Variants in WIPF1 observed in about 807,000 individuals in gnomAD.
The protein encoded by WIPF1 is WAS/WASL interacting protein family member 1.
WIPF1 carries 13 observed loss-of-function variants against 35.4 expected under a neutral mutation model. That is an observed-to-expected ratio of 0.37 (90% CI 0.24 to 0.58). The LOEUF (loss-of-function observed/expected upper bound fraction) is 0.58. Ranked by LOEUF, WIPF1 falls within the 20% of genes least tolerant of loss-of-function variation. The probability of loss-of-function intolerance (pLI) is 0.74; values close to 1 mark genes in which losing one functional copy is unlikely to be tolerated. For missense variants in WIPF1, 591 were observed against 667.0 expected, an observed-to-expected ratio of 0.89 and a Z score of 1.25; for synonymous variants, 267 against 266.3, an observed-to-expected ratio of 1.00 and a Z score of -0.02.
intron 1 of WIPF1, among the ~76,000 whole-genome samples, chr2:174,619,492 T>C (rs1221142238): frequency 6.6e-6 from 1 of 152,230 alleles, no homozygotes; most frequent in South Asian, 2.1e-4. Flanking sequence ...CTAATGTCAA[T>C]ATCTTTATAC....
intron 1 of WIPF1, among the ~76,000 whole-genome samples, chr2:174,596,738 A>T (rs1158012997): frequency 6.6e-6 from 1 of 152,130 alleles, no homozygotes; most frequent in African/African-American, 2.4e-5. Context: ...AAATACAAAA[A>T]CAAAAAAAAC....
intron 1 of WIPF1, among the ~76,000 whole-genome samples, chr2:174,654,672 G>T (rs988831162): frequency 2.0e-5 from 3 of 151,310 alleles, no homozygotes; most frequent in Non-Finnish European, 4.4e-5. Flanking sequence ...TCTGCAGTCA[G>T]TTCTTAACTC....
chr2:174,614,487 A>C (rs907483134), intron 1 of WIPF1, among the ~76,000 whole-genome samples: 2 of 152,198 alleles, frequency 1.3e-5, no homozygotes, highest in Non-Finnish European at 2.9e-5. Flanking sequence ...CCTTGAGGCA[A>C]GATCTGATTT....
Position 174,561,654 on chromosome 2 carries a change from G to A in WIPF1, c.*893C>T, listed in dbSNP as rs573700451. 1.8e-5 allele frequency: 3 copies of A among 163,670 alleles called. No individual in the cohort carries two copies. In the South Asian group the frequency reaches 4.6e-4, roughly 25 times the overall value. 10.1% of individuals were successfully genotyped at this position (163,670 alleles called of 1,614,324 possible). A position where few individuals can be genotyped will look rare whatever the true frequency, so the allele number is the denominator to read the frequency against. On this transcript the variant is annotated 3_prime_UTR_variant, in exon 8 of 8. Transcript: ENST00000679041. ...AAGGTCAAACTGTGTGTCAAACAAG[G>A]TGCTGGGTCCTAATTTTATTTTTAG...
chr2:174,671,303 C>T (rs1016056324), intron 1 of WIPF1, among the ~76,000 whole-genome samples: 1 of 152,214 alleles, frequency 6.6e-6, no homozygotes, highest in Non-Finnish European at 1.5e-5. Flanking sequence ...CCAATCAATA[C>T]TCTTGTGATT....
At chr2:174,563,813 C>T (rs1684561309) in intron 7 of WIPF1, among the ~76,000 whole-genome samples, 2 of 152,172 alleles carry the variant, frequency 1.3e-5, no homozygotes, top group South Asian at 2.1e-4. Context: ...TGGCAGATTC[C>T]TCAAGTAGGC....
At chr2:174,605,516 G>T (rs979824278) in intron 1 of WIPF1, among the ~76,000 whole-genome samples, 3 of 151,932 alleles carry the variant, frequency 2.0e-5, no homozygotes, top group Non-Finnish European at 2.9e-5. Context: ...CAAAAATGAG[G>T]CAATTGGAAA....
chr2:174,661,426 C>T (rs1353486346), intron 1 of WIPF1, among the ~76,000 whole-genome samples: 2 of 152,114 alleles, frequency 1.3e-5, no homozygotes, highest in Non-Finnish European at 2.9e-5. Flanking sequence ...CTTTTCCGGA[C>T]TTGTCCAGTG....
At chr2:174,589,903 T>C (rs1316028853) in intron 1 of WIPF1, among the ~76,000 whole-genome samples, 6 of 152,184 alleles carry the variant, frequency 3.9e-5, no homozygotes, top group Non-Finnish European at 7.3e-5. Context: ...TTTTATTTTA[T>C]GCATTTAAAC....
At chr2:174,663,275 A>G (rs866751627) in intron 1 of WIPF1, among the ~76,000 whole-genome samples, 3 of 152,170 alleles carry the variant, frequency 2.0e-5, no homozygotes, top group African/African-American at 7.2e-5. Flanking sequence ...ACTGCGACCC[A>G]AACCTCCAAG....
At chr2:174,611,091 C>G (rs1574834207) in intron 1 of WIPF1, among the ~76,000 whole-genome samples, 1 of 152,138 alleles carries the variant, frequency 6.6e-6, no homozygotes, top group Non-Finnish European at 1.5e-5. Flanking sequence ...TCCAAGGTTG[C>G]TTTAGGGGAT....
chr2:174,619,600 C>T (rs1686614225), intron 1 of WIPF1, among the ~76,000 whole-genome samples: 1 of 152,160 alleles, frequency 6.6e-6, no homozygotes, highest in African/African-American at 2.4e-5. Context: ...TCACTTGATA[C>T]ACAGTGCAGA....
chr2:174,632,926 C>G (rs1687072364), intron 1 of WIPF1, among the ~76,000 whole-genome samples: 1 of 152,106 alleles, frequency 6.6e-6, no homozygotes, highest in Non-Finnish European at 1.5e-5. Context: ...AGTTGTAAGC[C>G]TCTTCCTGGG....
intron 1 of WIPF1, among the ~76,000 whole-genome samples, chr2:174,604,628 T>C (rs1686102825): frequency 6.6e-6 from 1 of 152,096 alleles, no homozygotes; most frequent in Admixed American, 6.5e-5. Flanking sequence ...AAATTCAACA[T>C]ATGAAAAGAG....
chr2:174,627,766 G>A (rs779458840), intron 1 of WIPF1, among the ~76,000 whole-genome samples: 10 of 151,892 alleles, frequency 6.6e-5, no homozygotes, highest in Non-Finnish European at 1.2e-4. Flanking sequence ...GGCTGGTCTC[G>A]AACTCCTGGC....
At chr2:174,675,596 C>T (rs1333639126) in intron 1 of WIPF1, among the ~76,000 whole-genome samples, 1 of 152,116 alleles carries the variant, frequency 6.6e-6, no homozygotes, top group African/African-American at 2.4e-5. Flanking sequence ...TCAAGTGATC[C>T]TCCTGCCTCA....
At chr2:174,646,475 G>A (rs1052855314) in intron 1 of WIPF1, among the ~76,000 whole-genome samples, 3 of 152,220 alleles carry the variant, frequency 2.0e-5, no homozygotes, top group Non-Finnish European at 4.4e-5. Flanking sequence ...ATTATTCAAT[G>A]TGAGTATTAA....
At chr2:174,575,433 A>T (rs1330386345) in intron 3 of WIPF1, 53 bp from the exon 4 acceptor site, 2 of 1,529,784 alleles carry the variant, frequency 1.3e-6, no homozygotes, top group African/African-American at 2.8e-5. Flanking sequence ...GGCCCAGGTA[A>T]ACCATAAAAC....
intron 1 of WIPF1, among the ~76,000 whole-genome samples, chr2:174,593,153 G>A (rs775594977): frequency 2.6e-5 from 4 of 151,890 alleles, no homozygotes; most frequent in Non-Finnish European, 5.9e-5. Context: ...AGGGTTGGGG[G>A]TAATAACCAG....
Sources: allele counts gnomAD v4.1 joint callset (sites outside exome capture counted in the v4.1 genomes callset), GRCh38; gene constraint gnomAD v4.1.1; transcripts MANE v1.5; gene names NCBI Gene and HGNC (gene_info 2026-07-23, HGNC 2026-07-21).